Variants in SERGEF observed in about 807,000 individuals in gnomAD.
SERGEF encodes secretion regulating guanine nucleotide exchange factor.
In SERGEF, 51 loss-of-function variants were observed where a neutral mutation model predicts 50.0. The observed-to-expected ratio is 1.02, with a 90% CI of 0.81 to 1.29. The LOEUF (loss-of-function observed/expected upper bound fraction) is 1.29. SERGEF is among the 50% of genes most tolerant of loss of function. The pLI is 0.00. For synonymous variants in SERGEF, 205 were observed against 212.4 expected (o/e 0.97, Z 0.30); for missense variants, 521 against 557.0 (o/e 0.94, Z 0.65).
At chr11:17,985,157 G>A (rs1047097715) in intron 8 of SERGEF, among the ~76,000 whole-genome samples, 2 of 152,078 alleles carry the variant, frequency 1.3e-5, no homozygotes, top group Admixed American at 6.5e-5. Flanking sequence ...GTAGTCTCAA[G>A]GTGGCATTAT....
Position 17,997,649 on chromosome 11 carries a change from G to C in SERGEF, c.509-1740C>G, listed in dbSNP as rs565740601. On this transcript the variant is annotated intron_variant, in intron 5 of 10. Transcript: ENST00000265965. ...CTCAAATGTCCATTGACAGATGAAT[G>C]GTAAGCAAAACGTGATATATCCATA... Among the ~76,000 whole-genome samples the C allele has an allele frequency of 2.6e-5, 4 of 152,280 alleles. No individual in the cohort carries two copies. In the South Asian group the frequency reaches 8.3e-4, roughly 32 times the overall value.
chr11:18,000,430 C>A, intron 5 of SERGEF, 67 bp downstream of exon 5: 1 of 1,099,972 alleles, frequency 9.1e-7, no homozygotes, highest in Non-Finnish European at 1.3e-6. Flanking sequence ...GCCTGGGCAA[C>A]AGAGTGAGAC....
In SERGEF at chr11:17,903,246, G is replaced by A. The variant is rs574155724; in HGVS notation, c.1012-25002C>T. 1.6e-4 allele frequency among the ~76,000 whole-genome samples: 24 copies of A among 152,280 alleles called. No individual in the cohort carries two copies. The South Asian group carries it at 4.8e-3, about 30-fold the overall frequency. Reference sequence around the variant, plus strand: ...TCTAGTCTCTCTGAACCCCTGGACTGTGACTCACTGCGGAAGCCTACATGA... The same window carrying A: ...TCTAGTCTCTCTGAACCCCTGGACTATGACTCACTGCGGAAGCCTACATGA... On this transcript the variant is annotated intron_variant, in intron 9 of 10. Transcript: ENST00000265965.
At chr11:17,820,756 A>T (rs1028648631) in intron 10 of SERGEF, among the ~76,000 whole-genome samples, 2 of 152,214 alleles carry the variant, frequency 1.3e-5, no homozygotes, top group African/African-American at 4.8e-5. Context: ...ATTTTGAAAT[A>T]AGAAGCTTGT....
intron 10 of SERGEF, among the ~76,000 whole-genome samples, chr11:17,824,886 C>T (rs1850162024): frequency 6.6e-6 from 1 of 152,176 alleles, no homozygotes; most frequent in Non-Finnish European, 1.5e-5. Context: ...TGGGGAGAAA[C>T]AATTCAGTCC....
chr11:17,823,415 G>GCT (rs1319894947), intron 10 of SERGEF, among the ~76,000 whole-genome samples: 1 of 152,124 alleles, frequency 6.6e-6, no homozygotes, highest in Non-Finnish European at 1.5e-5. Context: ...CCCTTTCCAT[G>GCT]CTCTACTCTT....
chr11:17,908,372 C>A (rs1398014405), intron 9 of SERGEF, among the ~76,000 whole-genome samples: 1 of 152,156 alleles, frequency 6.6e-6, no homozygotes, highest in Non-Finnish European at 1.5e-5. Flanking sequence ...GCCCTCTCCA[C>A]AACTCCCCCA....
At chr11:17,903,503 T>C (rs1179544337) in intron 9 of SERGEF, among the ~76,000 whole-genome samples, 1 of 152,206 alleles carries the variant, frequency 6.6e-6, no homozygotes, top group Non-Finnish European at 1.5e-5. Context: ...AAGGTTACCC[T>C]AGATAGATTG....
intron 9 of SERGEF, among the ~76,000 whole-genome samples, chr11:17,931,670 G>A (rs889028057): frequency 6.6e-6 from 1 of 152,154 alleles, no homozygotes; most frequent in Non-Finnish European, 1.5e-5. Context: ...TGAGCACTTA[G>A]GCCAAAGAAT....
chr11:17,915,662 C>G (rs866845363), intron 9 of SERGEF, among the ~76,000 whole-genome samples: 21 of 152,184 alleles, frequency 1.4e-4, no homozygotes, highest in Admixed American at 3.3e-4. Context: ...ATGACTCAAG[C>G]GTGGTACATT....
intron 9 of SERGEF, among the ~76,000 whole-genome samples, chr11:17,950,300 T>C (rs1209299253): frequency 6.6e-6 from 1 of 152,240 alleles, no homozygotes; most frequent in African/African-American, 2.4e-5. Context: ...GCACACTGGC[T>C]GTGCAGTTTA....
At position 17,995,817 on chromosome 11, in the gene SERGEF, T is replaced by C; in HGVS notation, c.601A>G (p.Lys201Glu). ...TTACCTGTCACTCTGCTTGGTTCCT[T>C]TGCTGTGAAAAACAATGGAAGAGTC... ...GQTLPLFFTAKEPSRVTGLEN... is the reference protein window; with the variant it reads ...GQTLPLFFTAEEPSRVTGLEN... Residue 201 changes from lysine to glutamate, a missense_variant, in exon 6 of 11, where the codon AAG becomes GAG. Lys to Glu is a moderately conservative substitution (Grantham distance 56, BLOSUM62 1). Transcript: ENST00000265965. 6.2e-7 allele frequency: 1 copy of C among 1,613,634 alleles called. No individual in the cohort carries two copies. The highest frequency in any genetic ancestry group is 1.1e-5 in the South Asian group (1 of 91,046).
intron 10 of SERGEF, among the ~76,000 whole-genome samples, chr11:17,862,669 G>A (rs955226093): frequency 2.0e-5 from 3 of 152,216 alleles, no homozygotes; most frequent in Non-Finnish European, 2.9e-5. Flanking sequence ...GTGATACAGA[G>A]GGGCACTAGC....
intron 5 of SERGEF, chr11:17,999,594 A>G (rs1446742606): frequency 2.2e-6 from 1 of 456,224 alleles, no homozygotes; most frequent in Non-Finnish European, 4.4e-6. Context: ...AAGGAGTAAG[A>G]GCAGAAAAAA....
At chr11:17,998,426 T>C (rs951914749) in intron 5 of SERGEF, among the ~76,000 whole-genome samples, 1 of 10,090 alleles carries the variant, frequency 9.9e-5, no homozygotes, top group East Asian at 3.2e-3. Context: ...TAAAAATACA[T>C]ACATACATAC....
intron 10 of SERGEF, chr11:17,846,848 T>A (rs759856123): frequency 6.2e-5 from 27 of 435,626 alleles, no homozygotes; most frequent in Non-Finnish European, 1.1e-4. Context: ...CCTCCTAGTA[T>A]GTTAGAGGTG....
chr11:17,964,416 C>G (rs1394169646), intron 8 of SERGEF, among the ~76,000 whole-genome samples: 2 of 152,120 alleles, frequency 1.3e-5, no homozygotes, highest in African/African-American at 4.8e-5. Flanking sequence ...GATGTCTGAG[C>G]TCTTCAGGGA....
chr11:17,834,149 CA>C (rs565812910), intron 10 of SERGEF, among the ~76,000 whole-genome samples: 40 of 152,258 alleles, frequency 2.6e-4, no homozygotes, highest in African/African-American at 8.9e-4. Context: ...GTAATTGAAT[CA>C]GGGGGGCAAG....
intron 8 of SERGEF, among the ~76,000 whole-genome samples, chr11:17,974,751 T>C (rs766868107): frequency 7.2e-5 from 11 of 152,222 alleles, no homozygotes; most frequent in Non-Finnish European, 1.5e-4. Context: ...TGGTCCCTTC[T>C]AGGATTAAAA....
Sources: allele counts gnomAD v4.1 joint callset (sites outside exome capture counted in the v4.1 genomes callset), GRCh38; gene constraint gnomAD v4.1.1; transcripts MANE v1.5; gene names NCBI Gene and HGNC (gene_info 2026-07-23, HGNC 2026-07-21).